DLG2: variants seen among roughly 807,000 people sequenced by gnomAD.
DLG2 encodes discs large MAGUK scaffold protein 2, also known as disks large homolog 2.
Under a neutral mutation model 132.5 loss-of-function variants are expected in DLG2, and 45 were observed. The ratio of observed to expected loss-of-function variants is 0.34; its 90% CI spans 0.27 to 0.44. The LOEUF (loss-of-function observed/expected upper bound fraction) is 0.44. DLG2 is among the 20% of genes least tolerant of loss of function. The pLI, the probability that DLG2 is intolerant of heterozygous loss-of-function variation, is 1.00. For missense variants in DLG2, 1,045 were observed against 1,196.9 expected (o/e 0.87, Z 1.87); for synonymous variants, 424 against 419.6 (o/e 1.01, Z -0.13).
At chr11:83,800,924 C>A (rs1364698877) in intron 17 of DLG2, among the ~76,000 whole-genome samples, 1 of 152,152 alleles carries the variant, frequency 6.6e-6, no homozygotes, top group Non-Finnish European at 1.5e-5. Context: ...ACTAGTATCT[C>A]CAAGCTCTGA....
Position 84,251,243 on chromosome 11 carries a change from G to A in DLG2, c.568C>T (p.Pro190Ser), listed in dbSNP as rs764279004. The A allele has an allele frequency of 6.3e-7, 1 of 1,580,476 alleles. No individual in the cohort carries two copies. Among genetic ancestry groups the A allele is most frequent in the Non-Finnish European group, 8.6e-7 (1 of 1,166,310 alleles). ...GTAATGAAAAAGTTACTTACATAAG[G>A]AATTGTGTCCAAAGTATCTGTGTTG... Reference protein sequence around the residue: ...IVNTDTLDTIPYVNGTEIEYE... With the variant: ...IVNTDTLDTISYVNGTEIEYE... Residue 190 changes from proline (P) to serine (S), a missense_variant, in exon 8 of 28, where the codon CCT (proline) becomes TCT (serine). Physicochemically the swap from Pro to Ser is moderately conservative, Grantham distance 74. Transcript: ENST00000376104.
At chr11:84,946,463 G>A (rs1329185196) in intron 6 of DLG2, among the ~76,000 whole-genome samples, 2 of 152,178 alleles carry the variant, frequency 1.3e-5, no homozygotes, top group East Asian at 3.9e-4. Context: ...TCCCTTCAAG[G>A]CAGCAGGTTC....
chr11:84,377,000 G>C (rs1407289121), intron 7 of DLG2, among the ~76,000 whole-genome samples: 1 of 151,832 alleles, frequency 6.6e-6, no homozygotes, highest in Non-Finnish European at 1.5e-5. Context: ...AGACTAATGG[G>C]GAAATTTGTA....
intron 11 of DLG2, among the ~76,000 whole-genome samples, chr11:84,056,640 T>C (rs1000453101): frequency 2.6e-5 from 4 of 152,130 alleles, no homozygotes; most frequent in African/African-American, 2.4e-5. Context: ...TGAAGAATTA[T>C]AAGGTGCCAA....
intron 18 of DLG2, among the ~76,000 whole-genome samples, chr11:83,735,056 G>A (rs554240157): frequency 6.6e-6 from 1 of 151,918 alleles, no homozygotes; most frequent in Non-Finnish European, 1.5e-5. Context: ...ATAAGTGGTG[G>A]CTTTGTGTAT....
At chr11:84,211,626 T>G (rs915499393) in intron 8 of DLG2, among the ~76,000 whole-genome samples, 9 of 152,204 alleles carry the variant, frequency 5.9e-5, no homozygotes, top group African/African-American at 2.2e-4. Flanking sequence ...AAATTTTCCC[T>G]ATTGCTTTAG....
At chr11:84,636,491 G>A (rs2099640652) in intron 6 of DLG2, among the ~76,000 whole-genome samples, 1 of 152,054 alleles carries the variant, frequency 6.6e-6, no homozygotes, top group African/African-American at 2.4e-5. Context: ...CTACCTTGCA[G>A]GATTATTATG....
intron 6 of DLG2, among the ~76,000 whole-genome samples, chr11:84,914,498 C>T (rs1268748693): frequency 6.6e-6 from 1 of 152,180 alleles, no homozygotes; most frequent in Non-Finnish European, 1.5e-5. Flanking sequence ...ATGAAGTCTT[C>T]TAAGTATAAG....
At chr11:85,409,352 T>A (rs1006271552) in intron 3 of DLG2, among the ~76,000 whole-genome samples, 2 of 151,980 alleles carry the variant, frequency 1.3e-5, no homozygotes, top group Admixed American at 1.3e-4. Context: ...CTCAAAGGCA[T>A]CCAGAGCCAC....
intron 10 of DLG2, among the ~76,000 whole-genome samples, chr11:84,092,149 T>C (rs2097102789): frequency 6.6e-6 from 1 of 152,210 alleles, no homozygotes; most frequent in African/African-American, 2.4e-5. Flanking sequence ...AGCATAATCA[T>C]GGAATTGAAT....
chr11:85,003,237 C>G (rs912915953), intron 6 of DLG2, among the ~76,000 whole-genome samples: 1 of 152,000 alleles, frequency 6.6e-6, no homozygotes, highest in African/African-American at 2.4e-5. Flanking sequence ...TCAAGAACCA[C>G]TTGTTTGAAT....
At chr11:85,192,643 C>A (rs895240423) in intron 4 of DLG2, among the ~76,000 whole-genome samples, 1 of 152,278 alleles carries the variant, frequency 6.6e-6, no homozygotes, top group African/African-American at 2.4e-5. Context: ...AATAAGAGGA[C>A]CCAATTTTTC....
At chr11:85,282,760 T>C (rs1422372111) in intron 4 of DLG2, among the ~76,000 whole-genome samples, 1 of 152,042 alleles carries the variant, frequency 6.6e-6, no homozygotes, top group Non-Finnish European at 1.5e-5. Flanking sequence ...AAAGTTTATG[T>C]TCTTTCGTAA....
intron 6 of DLG2, among the ~76,000 whole-genome samples, chr11:84,904,674 C>T (rs372123131): frequency 4.2e-4 from 64 of 152,164 alleles, no homozygotes; most frequent in African/African-American, 1.5e-3. Context: ...GATAATAAAC[C>T]AATCTTAAAT....
At chr11:84,108,704 A>G (rs2093141055) in intron 9 of DLG2, among the ~76,000 whole-genome samples, 1 of 152,264 alleles carries the variant, frequency 6.6e-6, no homozygotes, top group Non-Finnish European at 1.5e-5. Context: ...GGCTTAAAAC[A>G]GGGGAATTAC....
At chr11:83,993,590 C>T (rs2093848942) in intron 11 of DLG2, among the ~76,000 whole-genome samples, 1 of 152,224 alleles carries the variant, frequency 6.6e-6, no homozygotes, top group East Asian at 1.9e-4. Context: ...GCTTATGGGG[C>T]TGTATGATAG....
chr11:84,951,718 TATA>T (rs1487362139), intron 6 of DLG2, among the ~76,000 whole-genome samples: 4 of 151,070 alleles, frequency 2.6e-5, no homozygotes, highest in African/African-American at 9.7e-5. Flanking sequence ...CACGTATATA[TATA>T]ATATTTATAG....
At chr11:84,123,356 A>T (rs775451962) in intron 9 of DLG2, among the ~76,000 whole-genome samples, 5 of 152,326 alleles carry the variant, frequency 3.3e-5, no homozygotes, top group Middle Eastern at 3.4e-3. Flanking sequence ...ATAAGGTCAC[A>T]TATTCTCTTT....
intron 17 of DLG2, among the ~76,000 whole-genome samples, chr11:83,798,561 A>C (rs1410301289): frequency 6.6e-6 from 1 of 152,192 alleles, no homozygotes; most frequent in African/African-American, 2.4e-5. Context: ...AAAAATACAA[A>C]GGAGTAACCA....
Sources: gnomAD v4.1 joint callset for allele counts (sites outside exome capture counted in the v4.1 genomes callset) on GRCh38, gnomAD v4.1.1 for gene constraint, MANE v1.5 for transcripts, NCBI Gene and HGNC (gene_info 2026-07-23, HGNC 2026-07-21) for gene names.